The following SORCS2 variants were observed in gnomAD, a reference collection of about 807,000 sequenced individuals.
The protein encoded by SORCS2 is sortilin related VPS10 domain containing receptor 2, also known as VPS10 domain-containing receptor SorCS2.
Under a neutral mutation model 141.6 loss-of-function variants are expected in SORCS2, and 100 were observed. The observed-to-expected ratio is 0.71, with a 90% CI of 0.60 to 0.83. The LOEUF is 0.83. Ranked by LOEUF, SORCS2 falls within the 40% of genes least tolerant of loss-of-function variation. SORCS2 has a pLI of 0.00. For synonymous variants in SORCS2, 789 were observed against 676.9 expected (o/e 1.17, Z -2.57); for missense variants, 1,646 against 1,560.2 (o/e 1.05, Z -0.93).
At chr4:7,502,672 G>A (rs538811483) in intron 2 of SORCS2, among the ~76,000 whole-genome samples, 3 of 152,326 alleles carry the variant, frequency 2.0e-5, no homozygotes, top group Admixed American at 6.5e-5. Flanking sequence ...GAGAACGGGC[G>A]TGACTTGCTT....
chr4:7,718,652 G>A (rs985354932), intron 18 of SORCS2, among the ~76,000 whole-genome samples: 2 of 152,206 alleles, frequency 1.3e-5, no homozygotes, highest in Non-Finnish European at 2.9e-5. Flanking sequence ...TGCATGGACA[G>A]ATACAGATAT....
At chr4:7,579,680 G>A (rs920654273) in intron 3 of SORCS2, among the ~76,000 whole-genome samples, 1 of 152,166 alleles carries the variant, frequency 6.6e-6, no homozygotes, top group Non-Finnish European at 1.5e-5. Context: ...CTTTCAGTGG[G>A]TGCTTGTTCT....
intron 16 of SORCS2, 133 bp downstream of exon 16, chr4:7,714,506 C>G: frequency 1.0e-6 from 1 of 962,808 alleles, no homozygotes; most frequent in Non-Finnish European, 1.5e-6. Flanking sequence ...TCGCACACTG[C>G]CACTTCTGCC....
At chr4:7,416,718 ACACT>A (rs1474268157) in intron 2 of SORCS2, among the ~76,000 whole-genome samples, 6 of 30,744 alleles carry the variant, frequency 2.0e-4, no homozygotes, top group Non-Finnish European at 2.9e-4. Flanking sequence ...ACTTGTGCAC[ACACT>A]CAGACACACA....
At chr4:7,672,514 C>T (rs7674172) in intron 8 of SORCS2, among the ~76,000 whole-genome samples, 32,906 of 152,092 alleles carry the variant, frequency 0.22, 7,043 homozygotes, top group African/African-American at 0.56. Flanking sequence ...CAAAATTACT[C>T]ATTTAAAATG....
chr4:7,565,673 T>C (rs1434232927), intron 3 of SORCS2, among the ~76,000 whole-genome samples: 1 of 148,804 alleles, frequency 6.7e-6, no homozygotes, highest in Non-Finnish European at 1.5e-5. Flanking sequence ...ATGATGCTGA[T>C]GATGTGATGA....
rs1319314507 is a variant in SORCS2, at chr4:7,201,468, A to G, written c.480+8342A>G. 2.6e-5 allele frequency among the ~76,000 whole-genome samples: 4 copies of G among 152,220 alleles called. No homozygotes were observed. Among genetic ancestry groups the G allele is most frequent in the African/African-American group, 9.6e-5 (4 of 41,456 alleles). ...CGGCACGCCCCTCAGATGAGAAGGC[A>G]GCCCAGAGCTTGCGTGGGCCTCTCG... is the stretch of plus-strand genomic sequence containing the variant. On this transcript the variant is annotated intron_variant, in intron 1 of 26. Coordinates refer to ENST00000507866, the MANE Select transcript of SORCS2 (RefSeq NM_020777.3). This position sits in a 1 kb window ranked among gnomAD's most constrained non-coding sequence, Gnocchi z 4.4.
At chr4:7,454,829 GGT>G (rs1728765476) in intron 2 of SORCS2, among the ~76,000 whole-genome samples, 2 of 129,618 alleles carry the variant, frequency 1.5e-5, no homozygotes, top group African/African-American at 3.0e-5. Flanking sequence ...GTTGGGGTCT[GGT>G]GCTGTGTGTT....
intron 2 of SORCS2, among the ~76,000 whole-genome samples, chr4:7,501,427 TGTAGGACACG>T (rs1270125523): frequency 5.3e-5 from 8 of 152,202 alleles, no homozygotes; most frequent in African/African-American, 1.7e-4. Context: ...GGCTCCTTAC[TGTAGGACACG>T]GTGCCATGAG....
At chr4:7,480,266 C>T (rs1283892630) in intron 2 of SORCS2, among the ~76,000 whole-genome samples, 1 of 152,194 alleles carries the variant, frequency 6.6e-6, no homozygotes, top group Admixed American at 6.5e-5. Flanking sequence ...GTGACTGCAG[C>T]GTCTGGGACT....
In SORCS2 at chr4:7,706,267, TCCGC is replaced by T. The variant is rs1446446972; in HGVS notation, c.1868+1985_1868+1988del. On this transcript the variant is annotated intron_variant, in intron 14 of 26. Coordinates refer to ENST00000507866, the MANE Select transcript of SORCS2 (RefSeq NM_020777.3). The stretch of plus-strand genomic sequence containing the variant: ...CGCCTGGGCAGGGATGAGGCTGGGC[TCCGC>T]CTGGGCAGGGATGAGGCTGGGCTCC... Among the ~76,000 whole-genome samples, 48 of 128,458 alleles carry T rather than the reference TCCGC, an allele frequency of 3.7e-4. 3 individuals carry two copies. Among genetic ancestry groups the T allele is most frequent in the Non-Finnish European group, 6.8e-4 (40 of 59,204 alleles). The allele number at this position is 128,458 out of a possible 152,430, so 84.3% of individuals were successfully genotyped here. A position where few individuals can be genotyped will look rare whatever the true frequency, so the allele number is the denominator to read the frequency against.
chr4:7,438,036 T>C (rs961995694), intron 2 of SORCS2, among the ~76,000 whole-genome samples: 1 of 152,206 alleles, frequency 6.6e-6, no homozygotes, highest in Non-Finnish European at 1.5e-5. Flanking sequence ...CCACGGTGCA[T>C]TTATGAAAAT....
At chr4:7,204,864 G>C (rs1336246096) in intron 1 of SORCS2, among the ~76,000 whole-genome samples, 3 of 152,214 alleles carry the variant, frequency 2.0e-5, no homozygotes, top group Non-Finnish European at 4.4e-5. Flanking sequence ...GGTGGAAAAG[G>C]AGACCATTCC....
Position 7,723,712 on chromosome 4 carries a change from A to G in SORCS2, c.2440A>G (p.Thr814Ala), listed in dbSNP as rs1726760433. The change falls in exon 19 of 27, where the codon ACC (threonine) becomes GCC (alanine). Residue 814 changes from threonine to alanine, a missense_variant. Transcript: ENST00000507866. ...TTCTCTGCAGGGTGATGTCCTGACT[A>G]CCAAGTACCAGGTAGACCTTGGGGA... ...VRQEQGDVLTTKYQVDLGDGF... is the reference protein window; with the variant it reads ...VRQEQGDVLTAKYQVDLGDGF... The G allele has an allele frequency of 5.0e-6, 8 of 1,613,806 alleles. No homozygotes were observed. The South Asian group carries it at 8.8e-5, about 18-fold the overall frequency.
At chr4:7,269,260 A>C (rs1249515682) in intron 1 of SORCS2, among the ~76,000 whole-genome samples, 20 of 152,192 alleles carry the variant, frequency 1.3e-4, no homozygotes, top group Admixed American at 1.3e-3. Context: ...CTGGAACAGC[A>C]AAGGTCCTGA....
At chr4:7,579,339 G>A (rs1277232279) in intron 3 of SORCS2, among the ~76,000 whole-genome samples, 1 of 151,998 alleles carries the variant, frequency 6.6e-6, no homozygotes, top group Non-Finnish European at 1.5e-5. Context: ...CATGCGCTGG[G>A]CTAGGCCACA....
intron 1 of SORCS2, among the ~76,000 whole-genome samples, chr4:7,290,835 A>C (rs1358683579): frequency 6.8e-6 from 1 of 147,576 alleles, no homozygotes; most frequent in Non-Finnish European, 1.5e-5. Context: ...ATGTAGGTTA[A>C]GGGCCTGCTA....
At chr4:7,314,723 G>C (rs559191845) in intron 1 of SORCS2, among the ~76,000 whole-genome samples, 6 of 150,620 alleles carry the variant, frequency 4.0e-5, no homozygotes, top group Non-Finnish European at 5.9e-5. Context: ...ACCAGGTCTT[G>C]TCACTTGGCT....
At chr4:7,263,097 T>C (rs1226426378) in intron 1 of SORCS2, among the ~76,000 whole-genome samples, 1 of 152,226 alleles carries the variant, frequency 6.6e-6, no homozygotes, top group African/African-American at 2.4e-5. Flanking sequence ...TCTGGAATCA[T>C]GTCACCCCAG....
Sources: gnomAD v4.1 joint callset for allele counts (sites outside exome capture counted in the v4.1 genomes callset) on GRCh38, gnomAD v4.1.1 for gene constraint, Gnocchi (gnomAD v3.1) non-coding constraint, MANE v1.5 for transcripts, NCBI Gene and HGNC (gene_info 2026-07-23, HGNC 2026-07-21) for gene names.